Variants in EDEM1 observed in about 807,000 individuals in gnomAD.
EDEM1 encodes ER degradation enhancing alpha-mannosidase like protein 1.
EDEM1 carries 67 observed loss-of-function variants against 74.4 expected under a neutral mutation model. The observed-to-expected ratio is 0.90, with a 90% CI of 0.74 to 1.10. The LOEUF is 1.10. Ranked by LOEUF, EDEM1 falls within the 50% of genes least tolerant of loss-of-function variation. The pLI is 0.00. For missense variants in EDEM1, 926 were observed against 851.6 expected, an observed-to-expected ratio of 1.09 and a Z score of -1.09; for synonymous variants, 382 against 335.9, an observed-to-expected ratio of 1.14 and a Z score of -1.50.
Position 5,218,253 on chromosome 3 carries a change from G to A in EDEM1, c.*2335G>A, listed in dbSNP as rs1687310252. On this transcript the variant is annotated 3_prime_UTR_variant, in exon 12 of 12. Coordinates refer to ENST00000256497, the MANE Select transcript of EDEM1 (RefSeq NM_014674.3). ...TTAGTACATATTAATCCTGGTTGTTGAGCTTCCAGACTACCCCGTCCAAAG... is the reference window on the plus strand; with the variant it reads ...TTAGTACATATTAATCCTGGTTGTTAAGCTTCCAGACTACCCCGTCCAAAG... 1 of 152,068 alleles carries A rather than the reference G, an allele frequency of 6.6e-6. No homozygotes were observed. Among genetic ancestry groups the A allele is most frequent in the African/African-American group, 2.4e-5 (1 of 41,386 alleles). 9.4% of individuals were successfully genotyped at this position (152,068 alleles called of 1,614,324 possible). A position where few individuals can be genotyped will look rare whatever the true frequency, so the allele number is the denominator to read the frequency against.
chr3:5,201,099 A>C (rs2055029407), intron 3 of EDEM1, among the ~76,000 whole-genome samples: 1 of 151,768 alleles, frequency 6.6e-6, no homozygotes, highest in Admixed American at 6.6e-5. Flanking sequence ...AGTGAAATAA[A>C]TCAGGAGTAA....
At chr3:5,198,324 A>G (rs1289913701) in intron 2 of EDEM1, among the ~76,000 whole-genome samples, 3 of 152,210 alleles carry the variant, frequency 2.0e-5, no homozygotes, top group Non-Finnish European at 2.9e-5. Flanking sequence ...ATGGGCTTAC[A>G]GACCTGAGCC....
intron 3 of EDEM1, among the ~76,000 whole-genome samples, chr3:5,200,994 T>A (rs1449262014): frequency 6.6e-6 from 1 of 151,622 alleles, no homozygotes; most frequent in East Asian, 1.9e-4. Context: ...ACTCCTGGGC[T>A]CAAGCGATCC....
At chr3:5,213,862 A>G (rs1441569993) in intron 11 of EDEM1, among the ~76,000 whole-genome samples, 2 of 152,096 alleles carry the variant, frequency 1.3e-5, no homozygotes, top group African/African-American at 2.4e-5. Flanking sequence ...CAGAGTCAAC[A>G]TGTGACCCCT....
chr3:5,189,363 A>G (rs935140057), intron 1 of EDEM1: 1 of 152,176 alleles, frequency 6.6e-6, no homozygotes, highest in Non-Finnish European at 1.5e-5. Context: ...TTGGGTTTTT[A>G]AAATGGTGTG....
At chr3:5,188,802 A>G (rs1448900919) in intron 1 of EDEM1, among the ~76,000 whole-genome samples, 1 of 152,156 alleles carries the variant, frequency 6.6e-6, no homozygotes, top group East Asian at 1.9e-4. Context: ...AAAAGCCTAT[A>G]GTTGACTTCT....
chr3:5,203,226 C>T (rs912967334), intron 5 of EDEM1, 77 bp downstream of exon 5: 3 of 1,396,134 alleles, frequency 2.1e-6, no homozygotes, highest in Admixed American at 2.6e-5. Flanking sequence ...GGGCTCTGCC[C>T]CCTTTTTACT....
chr3:5,200,912 T>G (rs1489542718), intron 3 of EDEM1, among the ~76,000 whole-genome samples: 2 of 151,208 alleles, frequency 1.3e-5, no homozygotes, highest in African/African-American at 4.9e-5. Context: ...TTTTTTTCAT[T>G]TTAGAGCAGG....
intron 1 of EDEM1, among the ~76,000 whole-genome samples, chr3:5,191,095 T>C (rs1321279202): frequency 1.3e-5 from 2 of 152,212 alleles, no homozygotes; most frequent in Non-Finnish European, 2.9e-5. Flanking sequence ...ACTGTAGTCC[T>C]CCTGTTATGC....
Position 5,187,824 on chromosome 3 carries a change from G to C in EDEM1, c.19G>C (p.Val7Leu), listed in dbSNP as rs2054842824. MQWRAL[V>L]LGLVLLRLGL... ...CGCGACCATGCAATGGCGAGCGCTC[G>C]TCCTGGGGCTGGTGCTCCTCCGGCT... Residue 7 changes from valine (V) to leucine (L), a missense_variant, in exon 1 of 12, where the codon GTC becomes CTC. Coordinates refer to ENST00000256497, the MANE Select transcript of EDEM1 (RefSeq NM_014674.3). 1 of 1,583,440 alleles carries C rather than the reference G, an allele frequency of 6.3e-7. No individual in the cohort carries two copies. Among genetic ancestry groups the C allele is most frequent in the East Asian group, 2.4e-5 (1 of 41,424 alleles).
intron 10 of EDEM1, among the ~76,000 whole-genome samples, chr3:5,212,598 C>T (rs1575592369): frequency 6.6e-6 from 1 of 152,342 alleles, no homozygotes; most frequent in East Asian, 1.9e-4. Context: ...TGCACTGAAT[C>T]TCATTTTTCC....
chr3:5,189,547 A>G (rs565707775), intron 1 of EDEM1: 10 of 152,256 alleles, frequency 6.6e-5, no homozygotes, highest in South Asian at 6.2e-4. Flanking sequence ...TTCTATCTCA[A>G]TTTTTTTGAG....
chr3:5,216,162 A>G lies in EDEM1; in HGVS notation c.*244A>G, dbSNP rs1358125920. The stretch of plus-strand genomic sequence containing the variant: ...GAAGATACATGGAAATTGCCCTCTT[A>G]TGACATGTTGATGTTATAAGCACAA... On this transcript the variant is annotated 3_prime_UTR_variant, in exon 12 of 12. Coordinates refer to ENST00000256497, the MANE Select transcript of EDEM1 (RefSeq NM_014674.3). 5.9e-6 allele frequency: 3 copies of G among 508,544 alleles called. No individual in the cohort carries two copies. The highest frequency in any genetic ancestry group is 1.0e-5 in the Non-Finnish European group (3 of 292,296). 31.5% of individuals were successfully genotyped at this position (508,544 alleles called of 1,614,324 possible). A position where few individuals can be genotyped will look rare whatever the true frequency, so the allele number is the denominator to read the frequency against.
chr3:5,189,767 A>G (rs1351702527), intron 1 of EDEM1, among the ~76,000 whole-genome samples: 5 of 151,776 alleles, frequency 3.3e-5, no homozygotes, highest in Non-Finnish European at 7.4e-5. Context: ...CGCCCGGCTA[A>G]TTTTTTGTAT....
intron 2 of EDEM1, 29 bp from the exon 3 acceptor site, chr3:5,199,562 CT>C (rs1184368430): frequency 2.1e-5 from 32 of 1,518,932 alleles, no homozygotes; most frequent in Non-Finnish European, 2.7e-5. Flanking sequence ...TTTCAAGTTG[CT>C]GTAATGACCT....
At chr3:5,207,787 C>T (rs936020403) in intron 7 of EDEM1, among the ~76,000 whole-genome samples, 1 of 152,224 alleles carries the variant, frequency 6.6e-6, no homozygotes, top group African/African-American at 2.4e-5. Flanking sequence ...GGATTACTGG[C>T]ATGAGGCACT....
chr3:5,200,715 A>G (rs1384301796), intron 3 of EDEM1, among the ~76,000 whole-genome samples: 1 of 152,148 alleles, frequency 6.6e-6, no homozygotes, highest in Non-Finnish European at 1.5e-5. Flanking sequence ...ACAAGGACTT[A>G]GGTATAAGCT....
chr3:5,206,213 T>C (rs1471700508), intron 6 of EDEM1, among the ~76,000 whole-genome samples: 2 of 150,304 alleles, frequency 1.3e-5, no homozygotes, highest in Admixed American at 6.6e-5. Context: ...GATCTTTCTT[T>C]TTTTTTTTTT....
At chr3:5,201,313 GC>G (rs2055031779) in intron 3 of EDEM1, among the ~76,000 whole-genome samples, 1 of 151,646 alleles carries the variant, frequency 6.6e-6, no homozygotes, top group South Asian at 2.1e-4. Context: ...GCCACTACAT[GC>G]GGCTAATTTT....
Sources: allele counts gnomAD v4.1 joint callset (sites outside exome capture counted in the v4.1 genomes callset), GRCh38; gene constraint gnomAD v4.1.1; transcripts MANE v1.5; gene names NCBI Gene and HGNC (gene_info 2026-07-23, HGNC 2026-07-21).